Variants in SLC17A5 observed in about 807,000 individuals in gnomAD.
SLC17A5 encodes solute carrier family 17 member 5.
A neutral mutation model predicts 59.4 loss-of-function variants in SLC17A5; 47 were observed. The ratio of observed to expected loss-of-function variants is 0.79; its 90% CI spans 0.63 to 1.01. The LOEUF is 1.01. SLC17A5 is among the 50% of genes least tolerant of loss of function. SLC17A5 has a pLI of 0.00. For missense variants in SLC17A5, 522 were observed against 595.5 expected (o/e 0.88, Z 1.28); for synonymous variants, 202 against 210.7 (o/e 0.96, Z 0.36).
At chr6:73,604,561 T>C (rs1443150972) in intron 9 of SLC17A5, among the ~76,000 whole-genome samples, 1 of 151,960 alleles carries the variant, frequency 6.6e-6, no homozygotes, top group Non-Finnish European at 1.5e-5. Context: ...CTGGGCAACA[T>C]GGTGAAACCC....
At chr6:73,645,789 C>CAAAAAAA (rs58205870) in intron 1 of SLC17A5, among the ~76,000 whole-genome samples, 1 of 76,062 alleles carries the variant, frequency 1.3e-5, no homozygotes, top group South Asian at 5.0e-4. Flanking sequence ...GACTCCGTCT[C>CAAAAAAA]AAAAAAAAAA....
At chr6:73,604,816 A>C (rs1767321483) in intron 9 of SLC17A5, among the ~76,000 whole-genome samples, 1 of 152,176 alleles carries the variant, frequency 6.6e-6, no homozygotes, top group Non-Finnish European at 1.5e-5. Context: ...AAGGCCTATA[A>C]AATCCAAGTA....
chr6:73,629,292 G>A (rs1315084473), intron 6 of SLC17A5, among the ~76,000 whole-genome samples: 2 of 152,162 alleles, frequency 1.3e-5, no homozygotes, highest in Non-Finnish European at 1.5e-5. Flanking sequence ...GTAGGCTGAG[G>A]TGGGAGGATG....
At chr6:73,647,785 C>T (rs560281945) in intron 1 of SLC17A5, among the ~76,000 whole-genome samples, 2 of 152,042 alleles carry the variant, frequency 1.3e-5, no homozygotes, top group Non-Finnish European at 2.9e-5. Flanking sequence ...AAATAAAAAG[C>T]GGCCAGGCAC....
chr6:73,631,108 G>A (rs1768687092), intron 6 of SLC17A5, among the ~76,000 whole-genome samples: 1 of 150,942 alleles, frequency 6.6e-6, no homozygotes, highest in Non-Finnish European at 1.5e-5. Context: ...AAACTGTCCT[G>A]GTTCTAACAT....
At chr6:73,642,619 T>C (rs138997231) in intron 2 of SLC17A5, among the ~76,000 whole-genome samples, 1 of 152,326 alleles carries the variant, frequency 6.6e-6, no homozygotes, top group Non-Finnish European at 1.5e-5. Context: ...TTCATGTGAA[T>C]AGAACCTGTG....
intron 8 of SLC17A5, among the ~76,000 whole-genome samples, chr6:73,612,844 G>A (rs1420257741): frequency 2.0e-5 from 3 of 152,136 alleles, no homozygotes; most frequent in Non-Finnish European, 4.4e-5. Flanking sequence ...TTGAGCCCAG[G>A]AATTTGTGAC....
intron 10 of SLC17A5, among the ~76,000 whole-genome samples, chr6:73,599,761 G>T (rs1472758398): frequency 6.6e-6 from 1 of 151,928 alleles, no homozygotes; most frequent in East Asian, 1.9e-4. Flanking sequence ...TCTGAAATCA[G>T]TATATTTGGT....
chr6:73,601,905 C>T (rs538175206), intron 9 of SLC17A5, among the ~76,000 whole-genome samples: 2 of 151,980 alleles, frequency 1.3e-5, no homozygotes, highest in Non-Finnish European at 2.9e-5. Context: ...GTGAGGAGCC[C>T]CTCTGCCCGG....
At chr6:73,634,468 C>T (rs926413078) in intron 6 of SLC17A5, among the ~76,000 whole-genome samples, 2 of 152,198 alleles carry the variant, frequency 1.3e-5, no homozygotes, top group African/African-American at 4.8e-5. Flanking sequence ...GGCACGATCT[C>T]AGCTCACTGC....
intron 3 of SLC17A5, among the ~76,000 whole-genome samples, chr6:73,641,278 C>T (rs1769271623): frequency 6.6e-6 from 1 of 152,134 alleles, no homozygotes; most frequent in South Asian, 2.1e-4. Flanking sequence ...TGGGGTTTCA[C>T]CTGTTGGCCA....
In SLC17A5 at chr6:73,653,811, C is replaced by T. The variant is rs1189813869; in HGVS notation, c.76G>A (p.Ala26Thr). The change falls in exon 1 of 11, where the codon GCC (alanine) becomes ACC (threonine). Residue 26 changes from alanine to threonine, a missense_variant. Physicochemically the swap from Ala to Thr is moderately conservative, Grantham distance 58. This residue lies in a region of SLC17A5 where 338 missense variants were observed against 363.8 expected (regional missense o/e 0.93). Coordinates refer to ENST00000355773, the MANE Select transcript of SLC17A5 (RefSeq NM_012434.5). Reference protein sequence around the residue: ...STDRTPLLPGAPRAEAAPVCC... With the variant: ...STDRTPLLPGTPRAEAAPVCC... ...CGCTTACCGGCTTCGGCCCGTGGGG[C>T]GCCCGGTAGAAGAGGCGTGCGGTCC... The T allele has an allele frequency of 6.3e-7, 1 of 1,595,836 alleles. No homozygotes were observed. The highest frequency in any genetic ancestry group is 8.5e-7 in the Non-Finnish European group (1 of 1,172,696).
At chr6:73,636,066 C>T (rs887838518) in intron 5 of SLC17A5, among the ~76,000 whole-genome samples, 1 of 152,262 alleles carries the variant, frequency 6.6e-6, no homozygotes, top group Non-Finnish European at 1.5e-5. Context: ...AACCACATGA[C>T]TTTGCCTATC....
At chr6:73,645,603 T>G (rs1769503859) in intron 1 of SLC17A5, 1 of 462,892 alleles carries the variant, frequency 2.2e-6, no homozygotes, top group African/African-American at 2.1e-5. Flanking sequence ...CCTGGCTAAC[T>G]CGGTGAAACC....
intron 9 of SLC17A5, among the ~76,000 whole-genome samples, chr6:73,609,663 T>C (rs1691342): frequency 0.11 from 16,368 of 152,232 alleles, 1,062 homozygotes; most frequent in Middle Eastern, 0.18. Context: ...CCTAGTCTAG[T>C]TGGGTGAACA....
chr6:73,647,865 T>C (rs1033648678), intron 1 of SLC17A5, among the ~76,000 whole-genome samples: 2 of 152,156 alleles, frequency 1.3e-5, no homozygotes, highest in Non-Finnish European at 2.9e-5. Context: ...GTCAGGAGTT[T>C]GTAGACCAGC....
chr6:73,644,303 C>T, intron 2 of SLC17A5, 104 bp downstream of exon 2: 1 of 931,316 alleles, frequency 1.1e-6, no homozygotes, highest in Non-Finnish European at 1.6e-6. Context: ...AGAGTATACA[C>T]AAACAAAGTA....
intron 5 of SLC17A5, among the ~76,000 whole-genome samples, chr6:73,635,974 C>T (rs887578080): frequency 1.3e-5 from 2 of 151,932 alleles, no homozygotes; most frequent in Non-Finnish European, 2.9e-5. Flanking sequence ...CTCCTGACCT[C>T]GTGATCCACC....
chr6:73,618,985 C>T (rs1413551592), intron 7 of SLC17A5, among the ~76,000 whole-genome samples: 1 of 152,134 alleles, frequency 6.6e-6, no homozygotes, highest in Non-Finnish European at 1.5e-5. Context: ...CCTCGGCTTC[C>T]CAAAGTGCTA....
Sources: allele counts gnomAD v4.1 joint callset (sites outside exome capture counted in the v4.1 genomes callset), GRCh38; gene constraint gnomAD v4.1.1; regional missense constraint gnomAD v4.1.1; transcripts MANE v1.5; gene names NCBI Gene and HGNC (gene_info 2026-07-23, HGNC 2026-07-21).